Variants in LRRC18 observed in about 807,000 individuals in gnomAD.
The protein encoded by LRRC18 is leucine-rich repeat-containing protein 18.
In LRRC18, 12 loss-of-function variants were observed where a neutral mutation model predicts 11.2. The ratio of observed to expected loss-of-function variants is 1.07; its 90% CI spans 0.69 to 1.74. LRRC18 has a LOEUF of 1.74. Among genes scored for constraint, LRRC18 ranks in the 40% most tolerant of loss-of-function variants. LRRC18 has a pLI of 0.00. For missense variants in LRRC18, 374 were observed against 330.5 expected, an observed-to-expected ratio of 1.13 and a Z score of -1.02; for synonymous variants, 155 against 130.6, an observed-to-expected ratio of 1.19 and a Z score of -1.27.
the LRRC18 span, among the ~76,000 whole-genome samples, chr10:48,927,970 C>A: frequency 3.3e-5 from 5 of 152,164 alleles, no homozygotes; most frequent in Non-Finnish European, 7.3e-5. Flanking sequence ...ACACACAAAC[C>A]AACCTCAAGA....
chr10:48,924,729 T>G, the LRRC18 span, among the ~76,000 whole-genome samples: 893 of 152,358 alleles, frequency 5.9e-3, 11 homozygotes, highest in African/African-American at 0.02. Flanking sequence ...GGATACCCCA[T>G]GGATATCTAA....
At chr10:48,930,732 T>A in the LRRC18 span, among the ~76,000 whole-genome samples, 80 of 152,078 alleles carry the variant, frequency 5.3e-4, no homozygotes, top group African/African-American at 1.9e-3. Context: ...AATAGATGAG[T>A]GATTAAATAA....
the LRRC18 span, among the ~76,000 whole-genome samples, chr10:48,929,747 T>C: frequency 6.6e-6 from 1 of 152,200 alleles, no homozygotes; most frequent in Non-Finnish European, 1.5e-5. Context: ...AAACCCTGTC[T>C]GTCCCAAGCC....
chr10:48,910,375 G>A, intron 1 of LRRC18, 117 bp from the exon 4 acceptor site: 1 of 880,880 alleles, frequency 1.1e-6, no homozygotes, highest in Non-Finnish European at 1.9e-6. Context: ...GGATGGTCAG[G>A]TTAGTGTGAA....
At chr10:48,912,739 C>T (rs953288001) in intron 1 of LRRC18, among the ~76,000 whole-genome samples, 2 of 152,230 alleles carry the variant, frequency 1.3e-5, no homozygotes, top group Admixed American at 1.3e-4. Context: ...GGGAGTGCAA[C>T]TTCATTCATT....
the LRRC18 span, among the ~76,000 whole-genome samples, chr10:48,930,790 C>CA: frequency 0.097 from 14,704 of 150,956 alleles, 857 homozygotes; most frequent in South Asian, 0.2. Flanking sequence ...GAAACTAAAA[C>CA]AAAAAAAAAT....
chr10:48,922,127 A>G, the LRRC18 span, among the ~76,000 whole-genome samples: 1 of 152,142 alleles, frequency 6.6e-6, no homozygotes, highest in East Asian at 1.9e-4. Context: ...TGCTATTTCC[A>G]TTTCCACATT....
At chr10:48,909,668 A>C (rs1230057913) in exon 2 of LRRC18, 1 of 152,222 alleles carries the variant, frequency 6.6e-6, no homozygotes, top group African/African-American at 2.4e-5. Flanking sequence ...TCTTTTTAAC[A>C]ATCAATTTTC....
the LRRC18 span, among the ~76,000 whole-genome samples, chr10:48,925,249 G>A: frequency 6.6e-6 from 1 of 152,164 alleles, no homozygotes; most frequent in Non-Finnish European, 1.5e-5. Context: ...AGATCACTCT[G>A]TGTCCTCTGC....
the LRRC18 span, among the ~76,000 whole-genome samples, chr10:48,926,648 T>C: frequency 1.3e-5 from 2 of 152,246 alleles, no homozygotes; most frequent in African/African-American, 4.8e-5. Context: ...ATGTAGGATG[T>C]TCATTTTCAT....
In LRRC18 at chr10:48,913,967, C is replaced by G. The variant is rs201299291; in HGVS notation, c.189G>C (p.Arg63Ser). The change falls in exon 1 of 2, where the codon AGG becomes AGC. Residue 63 changes from arginine to serine, a missense_variant. By Grantham distance (110) the Arg-to-Ser change is moderately radical. Transcript: ENST00000374160. ...ACTTGGAGATGGAGTCAGGGATCTT[C>G]CTGATAAGATTCCGGCTAAGGTCCA... 1.3e-5 allele frequency: 21 copies of G among 1,614,154 alleles called. No homozygotes were observed. In the East Asian group the frequency reaches 1.8e-4, roughly 14 times the overall value.
At chr10:48,910,747 C>T (rs1837924542) in intron 1 of LRRC18, 1 of 170,742 alleles carries the variant, frequency 5.9e-6, no homozygotes, top group African/African-American at 2.4e-5. Flanking sequence ...CATGATAAAG[C>T]CCCAGAGCAA....
chr10:48,933,140 G>A, the LRRC18 span, among the ~76,000 whole-genome samples: 1 of 152,198 alleles, frequency 6.6e-6, no homozygotes. Flanking sequence ...TCCAGGCTCT[G>A]TGGTGGAAGC....
At chr10:48,931,968 C>T in the LRRC18 span, among the ~76,000 whole-genome samples, 1 of 152,210 alleles carries the variant, frequency 6.6e-6, no homozygotes, top group Admixed American at 6.5e-5. Context: ...TGTCCCTTTC[C>T]TGCTGTGCCT....
At chr10:48,916,140 T>C (rs571186470), upstream of LRRC18, among the ~76,000 whole-genome samples, 1 of 152,300 alleles carries the variant, frequency 6.6e-6, no homozygotes, top group East Asian at 1.9e-4. Context: ...AAGAAATCCA[T>C]AACTCAAAGT....
chr10:48,927,837 C>G, the LRRC18 span, among the ~76,000 whole-genome samples: 1 of 152,274 alleles, frequency 6.6e-6, no homozygotes, highest in Non-Finnish European at 1.5e-5. Flanking sequence ...TCTGGATGTA[C>G]TCTGTTTTAA....
chr10:48,937,638 A>C, the LRRC18 span, among the ~76,000 whole-genome samples: 1 of 152,248 alleles, frequency 6.6e-6, no homozygotes, highest in African/African-American at 2.4e-5. Context: ...AACAGGTTAA[A>C]CAATTAAGTG....
the LRRC18 span, among the ~76,000 whole-genome samples, chr10:48,927,664 A>G: frequency 2.0e-5 from 3 of 152,220 alleles, no homozygotes; most frequent in Non-Finnish European, 4.4e-5. Context: ...GTGGCTCTGC[A>G]CATGTGCTGC....
At chr10:48,914,279 C>T (rs577290215), upstream of LRRC18, 2 of 1,009,148 alleles carry the variant, frequency 2.0e-6, no homozygotes, top group African/African-American at 1.6e-5. Flanking sequence ...CCAGAGGGCA[C>T]TGGGCTCCCC....
Sources: allele counts gnomAD v4.1 joint callset (sites outside exome capture counted in the v4.1 genomes callset), GRCh38; gene constraint gnomAD v4.1.1; transcripts MANE v1.5; gene names NCBI Gene and HGNC (gene_info 2026-07-23, HGNC 2026-07-21).